GRM7: variants seen among roughly 807,000 people sequenced by gnomAD.
The protein encoded by GRM7 is metabotropic glutamate receptor 7.
A neutral mutation model predicts 84.5 loss-of-function variants in GRM7; 35 were observed. The observed-to-expected ratio is 0.41, with a 90% CI of 0.32 to 0.55. The LOEUF is 0.55. GRM7 is among the 20% of genes least tolerant of loss of function. The pLI is 0.19. For synonymous variants in GRM7, 487 were observed against 455.1 expected, an observed-to-expected ratio of 1.07 and a Z score of -0.89; for missense variants, 1,003 against 1,194.6, an observed-to-expected ratio of 0.84 and a Z score of 2.36.
intron 2 of GRM7, among the ~76,000 whole-genome samples, chr3:7,206,146 C>T (rs895460863): frequency 1.1e-4 from 17 of 152,114 alleles, no homozygotes; most frequent in Admixed American, 7.2e-4. Context: ...TTCATTTTCT[C>T]TTTCTCTTTT....
intron 1 of GRM7, among the ~76,000 whole-genome samples, chr3:6,897,232 G>A (rs1253402524): frequency 6.6e-6 from 1 of 152,210 alleles, no homozygotes; most frequent in Non-Finnish European, 1.5e-5. Context: ...ATGGGAAGCA[G>A]TACTGCTTGT....
chr3:7,384,401 A>G (rs1398970401), intron 4 of GRM7, among the ~76,000 whole-genome samples: 1 of 152,152 alleles, frequency 6.6e-6, no homozygotes, highest in Non-Finnish European at 1.5e-5. Context: ...ACATCCACCA[A>G]CATTTGGAAT....
intron 1 of GRM7, among the ~76,000 whole-genome samples, chr3:6,917,938 C>A (rs1043680279): frequency 2.0e-5 from 3 of 152,092 alleles, no homozygotes; most frequent in East Asian, 3.9e-4. Context: ...TATTATTGCA[C>A]CAATACCATC....
intron 4 of GRM7, among the ~76,000 whole-genome samples, chr3:7,323,910 A>G (rs563487767): frequency 6.6e-6 from 1 of 152,182 alleles, no homozygotes; most frequent in Non-Finnish European, 1.5e-5. Context: ...ACTATAATCT[A>G]TCAAAATTAA....
At chr3:7,253,131 T>C (rs1461631771) in intron 2 of GRM7, among the ~76,000 whole-genome samples, 1 of 150,408 alleles carries the variant, frequency 6.6e-6, no homozygotes. Context: ...CATGCACTCC[T>C]CAGTTCACAT....
At chr3:7,343,555 ATTTTT>A (rs201885300) in intron 4 of GRM7, among the ~76,000 whole-genome samples, 1 of 152,004 alleles carries the variant, frequency 6.6e-6, no homozygotes, top group African/African-American at 2.4e-5. Flanking sequence ...AAATTGCTTG[ATTTTT>A]TTATTAAATT....
At chr3:7,192,903 G>A (rs73809003) in intron 2 of GRM7, among the ~76,000 whole-genome samples, 7,213 of 152,066 alleles carry the variant, frequency 0.047, 327 homozygotes, top group African/African-American at 0.11. Context: ...ATAACCTCTT[G>A]GGTACTAATC....
chr3:7,357,772 A>G (rs974758133), intron 4 of GRM7, among the ~76,000 whole-genome samples: 1 of 151,908 alleles, frequency 6.6e-6, no homozygotes, highest in Admixed American at 6.6e-5. Flanking sequence ...TGCATTCTCT[A>G]TTTCCACTAT....
At chr3:7,669,683 A>AAAT (rs1044777863) in intron 8 of GRM7, among the ~76,000 whole-genome samples, 9 of 152,186 alleles carry the variant, frequency 5.9e-5, no homozygotes, top group African/African-American at 2.2e-4. Context: ...AGTGGTCAGG[A>AAAT]AATAGGACTT....
At chr3:7,063,462 A>G (rs1697504773) in intron 1 of GRM7, among the ~76,000 whole-genome samples, 1 of 151,734 alleles carries the variant, frequency 6.6e-6, no homozygotes, top group African/African-American at 2.4e-5. Context: ...GCTACACCTC[A>G]GAGGCGGCAG....
At chr3:7,097,692 A>G (rs986412944) in intron 1 of GRM7, among the ~76,000 whole-genome samples, 4 of 152,134 alleles carry the variant, frequency 2.6e-5, no homozygotes, top group African/African-American at 4.8e-5. Flanking sequence ...AGTTTGGTCT[A>G]TATACTCTCG....
chr3:6,936,312 C>T (rs1419345485), intron 1 of GRM7, among the ~76,000 whole-genome samples: 1 of 152,180 alleles, frequency 6.6e-6, no homozygotes, highest in Non-Finnish European at 1.5e-5. Context: ...TCCCCATAAA[C>T]AGCTTTTCCT....
chr3:7,533,364 A>G (rs1701117826), intron 7 of GRM7, among the ~76,000 whole-genome samples: 1 of 152,220 alleles, frequency 6.6e-6, no homozygotes, highest in Non-Finnish European at 1.5e-5. Context: ...ACACAAATAC[A>G]TGGAAAATGA....
intron 4 of GRM7, among the ~76,000 whole-genome samples, chr3:7,364,525 T>C (rs1168519295): frequency 2.6e-5 from 4 of 151,808 alleles, no homozygotes; most frequent in South Asian, 4.1e-4. Context: ...GCTTTTTTTC[T>C]ATATTTTAAT....
chr3:6,880,659 TC>T (rs140909235), intron 1 of GRM7, among the ~76,000 whole-genome samples: 18,591 of 152,078 alleles, frequency 0.12, 1,124 homozygotes, highest in Admixed American at 0.14. Flanking sequence ...CCCATCCACT[TC>T]TCCTGTCTGA....
chr3:6,914,145 C>T (rs1376844827), intron 1 of GRM7, among the ~76,000 whole-genome samples: 1 of 152,082 alleles, frequency 6.6e-6, no homozygotes, highest in Non-Finnish European at 1.5e-5. Flanking sequence ...CCTCCTTTGC[C>T]TTCAAGTACT....
At chr3:7,392,056 G>A (rs879435984) in intron 4 of GRM7, among the ~76,000 whole-genome samples, 5 of 152,130 alleles carry the variant, frequency 3.3e-5, no homozygotes, top group African/African-American at 7.2e-5. Flanking sequence ...CGTTTTCTTT[G>A]ACCCAAGAGG....
chr3:7,542,157 C>G (rs1048168760), intron 7 of GRM7, among the ~76,000 whole-genome samples: 5 of 152,186 alleles, frequency 3.3e-5, no homozygotes, highest in African/African-American at 1.2e-4. Flanking sequence ...TACCCTATTT[C>G]CAAATAAAGT....
At chr3:7,273,825 G>A (rs978265544) in intron 2 of GRM7, among the ~76,000 whole-genome samples, 2 of 151,756 alleles carry the variant, frequency 1.3e-5, no homozygotes, top group African/African-American at 4.8e-5. Context: ...GACAACCTCT[G>A]GCTTTTAGTT....
Sources: allele counts gnomAD v4.1 joint callset (sites outside exome capture counted in the v4.1 genomes callset), GRCh38; gene constraint gnomAD v4.1.1; transcripts MANE v1.5; gene names NCBI Gene and HGNC (gene_info 2026-07-23, HGNC 2026-07-21).